The following ZNF653 variants were observed in gnomAD, a reference collection of about 807,000 sequenced individuals.
The protein encoded by ZNF653 is zinc finger protein 653.
ZNF653 carries 37 observed loss-of-function variants against 59.9 expected under a neutral mutation model. The ratio of observed to expected loss-of-function variants is 0.62; its 90% CI spans 0.48 to 0.81. The LOEUF (loss-of-function observed/expected upper bound fraction) is 0.81, where lower values mean the gene tolerates loss of function less well. ZNF653 is among the 40% of genes least tolerant of loss of function. ZNF653 has a pLI of 0.00. For missense variants in ZNF653, 808 were observed against 881.1 expected (o/e 0.92, Z 1.05); for synonymous variants, 435 against 371.8 (o/e 1.17, Z -1.96).
In ZNF653 at chr19:11,495,842, G is replaced by C. The variant is rs1002197427; in HGVS notation, c.559+108C>G. On this transcript the variant is annotated intron_variant, in intron 3 of 8. Transcript: ENST00000293771. This position sits in a 1 kb window ranked among gnomAD's most constrained non-coding sequence, Gnocchi z 4.9. ...CTGCTCTGCCCCAGTGCCAGAGCCA[G>C]AGCCAGAGCCACTGTGGCTGCTATT... 1.4e-5 allele frequency: 17 copies of C among 1,209,066 alleles called. No homozygotes were observed. In the East Asian group the frequency reaches 3.3e-4, roughly 24 times the overall value. 74.9% of individuals were successfully genotyped at this position (1,209,066 alleles called of 1,614,324 possible).
chr19:11,500,665 TC>T (rs959676828), intron 1 of ZNF653: 2 of 152,194 alleles, frequency 1.3e-5, no homozygotes, highest in African/African-American at 4.8e-5. Context: ...CACAGCCACC[TC>T]CATCCACTCA....
At chr19:11,497,629 G>A (rs923618590) in intron 2 of ZNF653, among the ~76,000 whole-genome samples, 1 of 152,196 alleles carries the variant, frequency 6.6e-6, no homozygotes, top group African/African-American at 2.4e-5. Context: ...AGCCAAGTGC[G>A]AGGACAGCAT....
intron 1 of ZNF653, among the ~76,000 whole-genome samples, chr19:11,499,054 C>A (rs1966480): frequency 0.04 from 6,053 of 152,246 alleles, 146 homozygotes; most frequent in Admixed American, 0.07. Context: ...TACCTTTCCC[C>A]AACTCCAGAA....
At chr19:11,491,115 TC>T (rs1177925527) in intron 3 of ZNF653, among the ~76,000 whole-genome samples, 3 of 152,204 alleles carry the variant, frequency 2.0e-5, no homozygotes, top group African/African-American at 7.2e-5. Context: ...TGCAGTCCCT[TC>T]TTTTGGGTCC....
rs150907206 is a variant in ZNF653, at chr19:11,487,773, C to G, written c.690G>C (p.Pro230=). 6.2e-7 allele frequency: 1 copy of G among 1,612,530 alleles called. No individual in the cohort carries two copies. The highest frequency in any genetic ancestry group is 1.3e-5 in the African/African-American group (1 of 74,812). ...GAGTGATGAGCCCGCTGCTGCCCAC[C>G]GGGCTGGTGGGCGTCGCTGCCGCTG... is the stretch of plus-strand genomic sequence containing the variant. ...AAAAAATPTS[P]VGSSGLITQE... The change falls in exon 4 of 9, where the codon CCG becomes CCC. Residue 230 remains proline, a synonymous_variant. Coordinates refer to ENST00000293771, the MANE Select transcript of ZNF653 (RefSeq NM_138783.4). This position sits in a 1 kb window ranked among gnomAD's most constrained non-coding sequence, Gnocchi z 5.1.
chr19:11,505,363 G>T, intron 1 of ZNF653, 125 bp downstream of exon 1: 2 of 1,047,238 alleles, frequency 1.9e-6, no homozygotes, highest in South Asian at 2.1e-5. Context: ...CAGGCCGCCG[G>T]CCCGGCTCCT....
At chr19:11,489,890 C>T (rs1041463835) in intron 3 of ZNF653, among the ~76,000 whole-genome samples, 1 of 152,218 alleles carries the variant, frequency 6.6e-6, no homozygotes, top group African/African-American at 2.4e-5. Context: ...TGGGGCCTCT[C>T]CTCAGCGCTC....
At position 11,487,916 on chromosome 19, in the gene ZNF653, A is replaced by G; in HGVS notation, c.560-13T>C. 6.4e-7 allele frequency: 1 copy of G among 1,558,172 alleles called. No individual in the cohort carries two copies. Among genetic ancestry groups the G allele is most frequent in the Non-Finnish European group, 8.7e-7 (1 of 1,152,376 alleles). On this transcript the variant is annotated splice_polypyrimidine_tract_variant and intron_variant, in intron 3 of 8. Coordinates refer to ENST00000293771, the MANE Select transcript of ZNF653 (RefSeq NM_138783.4). This position sits in a 1 kb window ranked among gnomAD's most constrained non-coding sequence, Gnocchi z 5.1. ...AGCCCATTGCCCACTGTGGGGACAG[A>G]AGAAAGGGAGTGGTTATGATAGCTG...
chr19:11,489,378 T>G (rs1971507175), intron 3 of ZNF653, among the ~76,000 whole-genome samples: 1 of 152,200 alleles, frequency 6.6e-6, no homozygotes, highest in Admixed American at 6.5e-5. Context: ...TTTTGTATTT[T>G]TAGTAGAGAC....
chr19:11,494,454 GC>G, intron 3 of ZNF653, among the ~76,000 whole-genome samples: 1 of 152,196 alleles, frequency 6.6e-6, no homozygotes, highest in Non-Finnish European at 1.5e-5. Context: ...ACTTTGGAAG[GC>G]CGAGGTGGGT....
chr19:11,487,215 C>A lies in ZNF653; in HGVS notation c.1172-57G>T. The A allele has an allele frequency of 1.2e-6, 2 of 1,601,264 alleles. No homozygotes were observed. Among genetic ancestry groups the A allele is most frequent in the Non-Finnish European group, 1.7e-6 (2 of 1,173,800 alleles). ...GGGACGAAGGCTGCCGAGGTGCCCA[C>A]TTCGAGGGCCATTCCTCGCCCGGCC... On this transcript the variant is annotated intron_variant, in intron 4 of 8. Transcript: ENST00000293771. This position sits in a 1 kb window ranked among gnomAD's most constrained non-coding sequence, Gnocchi z 5.1.
chr19:11,505,836 A>G lies in ZNF653; in HGVS notation c.-50T>C. On this transcript the variant is annotated 5_prime_UTR_variant, in exon 1 of 9. Transcript: ENST00000293771. ...CCCCCGTTGTTAGGAGCCAGACCGG[A>G]AGTGGCGCGCATCTTCGGCGCCGCC... The G allele has an allele frequency of 7.9e-7, 1 of 1,263,920 alleles. No individual in the cohort carries two copies. Among genetic ancestry groups the G allele is most frequent in the Non-Finnish European group, 1.0e-6 (1 of 980,464 alleles). 78.3% of individuals were successfully genotyped at this position (1,263,920 alleles called of 1,614,324 possible).
chr19:11,504,475 C>T (rs1971684561), intron 1 of ZNF653: 1 of 975,364 alleles, frequency 1.0e-6, no homozygotes, highest in Non-Finnish European at 1.2e-6. Flanking sequence ...CCTCTGCCCA[C>T]CAGAATGTCC....
In ZNF653 at chr19:11,495,276, GGA is replaced by G. The variant is rs1971574322; in HGVS notation, c.559+672_559+673del. Among the ~76,000 whole-genome samples, 1 of 152,142 alleles carries G rather than the reference GGA, an allele frequency of 6.6e-6. No individual in the cohort carries two copies. The highest frequency in any genetic ancestry group is 2.4e-5 in the African/African-American group (1 of 41,448). On this transcript the variant is annotated intron_variant, in intron 3 of 8. Transcript: ENST00000293771. The surrounding 1 kb of genome is among the most constrained non-coding windows in gnomAD (Gnocchi z 4.9). The stretch of plus-strand genomic sequence containing the variant: ...GAGTCCCTGCCCCGTGGGATGGGAA[GGA>G]GAGAGGCAGGGACCGCGAAGGTGGG...
chr19:11,505,337 C>T, intron 1 of ZNF653, 151 bp downstream of exon 1: 2 of 767,990 alleles, frequency 2.6e-6, no homozygotes, highest in Non-Finnish European at 3.8e-6. Context: ...GCGTCCCGGC[C>T]AGGCAGTACG....
chr19:11,483,683 C>G lies in ZNF653; in HGVS notation c.1847G>C (p.Ter616SerextTer3). The G allele has an allele frequency of 6.2e-7, 1 of 1,611,292 alleles. No individual in the cohort carries two copies. Among genetic ancestry groups the G allele is most frequent in the Non-Finnish European group, 8.5e-7 (1 of 1,177,692 alleles). Residue 616 changes from the stop codon to serine (S), a stop_lost, in exon 9 of 9, where the codon TGA becomes TCA. Coordinates refer to ENST00000293771, the MANE Select transcript of ZNF653 (RefSeq NM_138783.4). ...LKSHPDHKPT* is the reference protein window; with the variant it reads ...LKSHPDHKPTS Reference sequence around the variant, plus strand: ...AGGGGCGGTCAGTGGTCAGGTGGGTCAGGTGGGCTTGTGATCCGGGTGGCT... The same window carrying G: ...AGGGGCGGTCAGTGGTCAGGTGGGTGAGGTGGGCTTGTGATCCGGGTGGCT...
chr19:11,484,734 C>T (rs1971446901), intron 7 of ZNF653, among the ~76,000 whole-genome samples: 1 of 151,304 alleles, frequency 6.6e-6, no homozygotes, highest in South Asian at 2.1e-4. Context: ...GGTGATTTCG[C>T]AAAATGAAAA....
Position 11,505,197 on chromosome 19 carries a change from G to C in ZNF653, c.299+291C>G, listed in dbSNP as rs558216196. 1.1e-5 allele frequency: 4 copies of C among 373,730 alleles called. No individual in the cohort carries two copies. The East Asian group carries it at 2.0e-4, about 18-fold the overall frequency. 23.2% of individuals were successfully genotyped at this position (373,730 alleles called of 1,614,324 possible). A position where few individuals can be genotyped will look rare whatever the true frequency, so the allele number is the denominator to read the frequency against. On this transcript the variant is annotated intron_variant, in intron 1 of 8. Transcript: ENST00000293771. ...GGTTAGTTACAAGGCCTGGAGGTGG[G>C]GCCAGTCCCAGGATTGGGCCGCCAG...
At chr19:11,491,743 C>T (rs1971532159) in intron 3 of ZNF653, among the ~76,000 whole-genome samples, 1 of 152,040 alleles carries the variant, frequency 6.6e-6, no homozygotes, top group Non-Finnish European at 1.5e-5. Flanking sequence ...GCCGCCACCA[C>T]GCCCAGCTAA....
Sources: allele counts gnomAD v4.1 joint callset (sites outside exome capture counted in the v4.1 genomes callset), GRCh38; gene constraint gnomAD v4.1.1; non-coding constraint Gnocchi (gnomAD v3.1); transcripts MANE v1.5; gene names NCBI Gene and HGNC (gene_info 2026-07-23, HGNC 2026-07-21).